Variants in DBT observed in about 807,000 individuals in gnomAD.
DBT encodes dihydrolipoamide branched chain transacylase E2.
A neutral mutation model predicts 51.3 loss-of-function variants in DBT; 40 were observed. That is an observed-to-expected ratio of 0.78 (90% CI 0.61 to 1.02). The LOEUF (loss-of-function observed/expected upper bound fraction) is 1.02, where lower values mean the gene tolerates loss of function less well. Among genes scored for constraint, DBT ranks in the 50% least tolerant of loss-of-function variants. The pLI, the probability that DBT is intolerant of heterozygous loss-of-function variation, is 0.00. For synonymous variants in DBT, 181 were observed against 190.4 expected (o/e 0.95, Z 0.41); for missense variants, 510 against 580.2 (o/e 0.88, Z 1.24).
intron 1 of DBT, chr1:100,249,152 C>T: frequency 2.1e-6 from 2 of 941,696 alleles, no homozygotes; most frequent in Non-Finnish European, 2.5e-6. Flanking sequence ...GTATCATTAC[C>T]GGTATGTGTC....
In DBT at chr1:100,206,503, C is replaced by T. The variant is rs1317932953; in HGVS notation, c.1151G>A (p.Ser384Asn). ...LNRLQKLGSV[S>N]QLSTTDLTGG... ...TGTAAGATCAGTGGTGCTGAGCTGACTCACAGAGCCCAATTTCTGGAGGCG... is the reference window on the plus strand; with the variant it reads ...TGTAAGATCAGTGGTGCTGAGCTGATTCACAGAGCCCAATTTCTGGAGGCG... Residue 384 changes from serine to asparagine, a missense_variant, in exon 9 of 11, where the codon AGT becomes AAT. By Grantham distance (46) the Ser-to-Asn change is conservative. Coordinates refer to ENST00000370132, the MANE Select transcript of DBT (RefSeq NM_001918.5). 2 of 1,613,702 alleles carry T rather than the reference C, an allele frequency of 1.2e-6. No homozygotes were observed. The highest frequency in any genetic ancestry group is 1.7e-6 in the Non-Finnish European group (2 of 1,179,632).
In DBT at chr1:100,216,101, A is replaced by G; in HGVS notation, c.654T>C (p.Pro218=). ...GCATAATTTCAACTTTGGGTGAAGG[A>G]GGCAATATAGCTCCTGTCTGCTTTT... ...YLEKQTGAIL[P]PSPKVEIMPP... The change falls in exon 6 of 11, where the codon CCT becomes CCC. Residue 218 remains proline, a synonymous_variant. Transcript: ENST00000370132. 1.9e-6 allele frequency: 3 copies of G among 1,613,536 alleles called. No individual in the cohort carries two copies. Among genetic ancestry groups the G allele is most frequent in the Non-Finnish European group, 2.5e-6 (3 of 1,179,510 alleles).
chr1:100,192,008 C>T lies in DBT; in HGVS notation c.*4247G>A, dbSNP rs1660837036. The T allele has an allele frequency of 6.6e-6, 1 of 151,796 alleles. No homozygotes were observed. Among genetic ancestry groups the T allele is most frequent in the African/African-American group, 2.4e-5 (1 of 41,236 alleles). 9.4% of individuals were successfully genotyped at this position (151,796 alleles called of 1,614,324 possible). A position where few individuals can be genotyped will look rare whatever the true frequency, so the allele number is the denominator to read the frequency against. On this transcript the variant is annotated 3_prime_UTR_variant, in exon 11 of 11. Coordinates refer to ENST00000370132, the MANE Select transcript of DBT (RefSeq NM_001918.5). ...TTTTTTTGGTAGAGCTGGGGTCGCC[C>T]AGGCTGGTCTCAAACTCTGGACTCA...
chr1:100,241,378 G>A (rs1296016030), intron 1 of DBT, among the ~76,000 whole-genome samples: 2 of 149,730 alleles, frequency 1.3e-5, no homozygotes, highest in South Asian at 2.1e-4. Flanking sequence ...GTGTGTGTGT[G>A]TGTGTGTGTG....
At chr1:100,241,542 C>G (rs1664210735) in intron 1 of DBT, among the ~76,000 whole-genome samples, 1 of 151,844 alleles carries the variant, frequency 6.6e-6, no homozygotes. Context: ...ACCACAGGCG[C>G]ATGCTACCCC....
At chr1:100,225,454 T>G (rs1171957634) in intron 4 of DBT, among the ~76,000 whole-genome samples, 1 of 152,152 alleles carries the variant, frequency 6.6e-6, no homozygotes, top group Non-Finnish European at 1.5e-5. Flanking sequence ...CCCCACAAAA[T>G]GTACTGTGAT....
Position 100,206,853 on chromosome 1 carries a change from G to A in DBT, c.1018-217C>T, listed in dbSNP as rs564886177. ...AATCCCAGCACTCTGGGAGGCCAAGGTGGCTGGATTACCTGAGGTCATGAG... is the reference window on the plus strand; with the variant it reads ...AATCCCAGCACTCTGGGAGGCCAAGATGGCTGGATTACCTGAGGTCATGAG... On this transcript the variant is annotated intron_variant, in intron 8 of 10. Coordinates refer to ENST00000370132, the MANE Select transcript of DBT (RefSeq NM_001918.5). Among the ~76,000 whole-genome samples the A allele has an allele frequency of 5.3e-5, 8 of 152,232 alleles. No homozygotes were observed. In the East Asian group the frequency reaches 9.6e-4, roughly 18 times the overall value.
At chr1:100,247,602 G>C (rs1570854994) in intron 1 of DBT, among the ~76,000 whole-genome samples, 1 of 149,720 alleles carries the variant, frequency 6.7e-6, no homozygotes, top group Non-Finnish European at 1.5e-5. Flanking sequence ...GGGAGGCTGA[G>C]GCAGGAAAAT....
chr1:100,216,074 T>C lies in DBT; in HGVS notation c.681A>G (p.Pro227=). The C allele has an allele frequency of 6.2e-7, 1 of 1,613,664 alleles. No homozygotes were observed. The part of the protein sequence containing the change: ...LPPSPKVEIM[P]PPPKPKDMTV... ...TCATGTCTTTTGGCTTTGGTGGAGG[T>C]GGCATAATTTCAACTTTGGGTGAAG... Residue 227 remains proline (P), a synonymous_variant, in exon 6 of 11, where the codon CCA becomes CCG. Coordinates refer to ENST00000370132, the MANE Select transcript of DBT (RefSeq NM_001918.5).
intron 5 of DBT, 102 bp downstream of exon 5, chr1:100,218,515 GTTTCCTTAA>G: frequency 2.5e-6 from 3 of 1,222,484 alleles, no homozygotes; most frequent in Non-Finnish European, 3.6e-6. Context: ...ATATCTTCAT[GTTTCCTTAA>G]TTTCATTGAG....
chr1:100,233,987 T>C (rs1023560668), intron 3 of DBT, among the ~76,000 whole-genome samples: 1 of 152,216 alleles, frequency 6.6e-6, no homozygotes, highest in African/African-American at 2.4e-5. Flanking sequence ...ATAAAGTACA[T>C]TGATTTATCA....
intron 10 of DBT, among the ~76,000 whole-genome samples, chr1:100,198,383 A>C (rs1031949765): frequency 6.6e-6 from 1 of 152,226 alleles, no homozygotes; most frequent in African/African-American, 2.4e-5. Flanking sequence ...TCAGTTTGGG[A>C]TAATGAAAAA....
At chr1:100,221,591 T>A (rs1275462612) in intron 4 of DBT, among the ~76,000 whole-genome samples, 9 of 152,306 alleles carry the variant, frequency 5.9e-5, no homozygotes, top group African/African-American at 2.2e-4. Context: ...CCAGTTGATA[T>A]GACTTTAGTG....
intron 4 of DBT, among the ~76,000 whole-genome samples, chr1:100,226,136 T>C (rs181706070): frequency 4.8e-4 from 73 of 152,326 alleles, no homozygotes; most frequent in Middle Eastern, 6.8e-3. Flanking sequence ...TCCATAGTAC[T>C]GTTCAGAATC....
chr1:100,210,082 C>T (rs1464769263), intron 8 of DBT, among the ~76,000 whole-genome samples: 1 of 151,746 alleles, frequency 6.6e-6, no homozygotes, highest in Non-Finnish European at 1.5e-5. Context: ...GAGGCTGAGG[C>T]AGGAGGATTG....
chr1:100,196,430 TGAAAAAAAA>T lies in DBT; in HGVS notation c.1282-17_1282-9del. 12 of 504,382 alleles carry T rather than the reference TGAAAAAAAA, an allele frequency of 2.4e-5. No individual in the cohort carries two copies. Among genetic ancestry groups the T allele is most frequent in the East Asian group, 5.9e-5 (1 of 16,870 alleles). 31.2% of individuals were successfully genotyped at this position (504,382 alleles called of 1,614,324 possible). A position where few individuals can be genotyped will look rare whatever the true frequency, so the allele number is the denominator to read the frequency against. ...GTTAAATCGGGGAATGGCCTAGAAA[TGAAAAAAAA>T]AAAAAAAAAAAAAAAAAAAAGAACA... On this transcript the variant is annotated splice_polypyrimidine_tract_variant and intron_variant, in intron 10 of 10. Coordinates refer to ENST00000370132, the MANE Select transcript of DBT (RefSeq NM_001918.5).
At chr1:100,228,527 G>A (rs1345737303) in intron 4 of DBT, among the ~76,000 whole-genome samples, 1 of 152,156 alleles carries the variant, frequency 6.6e-6, no homozygotes, top group African/African-American at 2.4e-5. Flanking sequence ...AGGAGGATGC[G>A]GCCAGCAGAT....
chr1:100,222,779 T>A (rs1013163854), intron 4 of DBT, among the ~76,000 whole-genome samples: 3 of 152,176 alleles, frequency 2.0e-5, no homozygotes, highest in Non-Finnish European at 4.4e-5. Context: ...CCATGGTACC[T>A]CTCAGTTAGG....
chr1:100,241,366 TTGTG>T (rs58256713), intron 1 of DBT, among the ~76,000 whole-genome samples: 7,243 of 144,002 alleles, frequency 0.05, 222 homozygotes, highest in Middle Eastern at 0.1. Flanking sequence ...CTGAAAGGTA[TTGTG>T]TGTGTGTGTG....
Sources: gnomAD v4.1 joint callset for allele counts (sites outside exome capture counted in the v4.1 genomes callset) on GRCh38, gnomAD v4.1.1 for gene constraint, MANE v1.5 for transcripts, NCBI Gene and HGNC (gene_info 2026-07-23, HGNC 2026-07-21) for gene names.